SCN1A: variants seen among roughly 807,000 people sequenced by gnomAD.
The protein encoded by SCN1A is sodium channel protein type 1 subunit alpha.
Under a neutral mutation model 193.7 loss-of-function variants are expected in SCN1A, and 13 were observed. The ratio of observed to expected loss-of-function variants is 0.07; its 90% CI spans 0.04 to 0.11. SCN1A has a LOEUF of 0.11. SCN1A is among the 10% of genes least tolerant of loss of function. SCN1A has a pLI of 1.00. For missense variants in SCN1A, 1,432 were observed against 2,451.1 expected, an observed-to-expected ratio of 0.58 and a Z score of 8.78; for synonymous variants, 781 against 843.6, an observed-to-expected ratio of 0.93 and a Z score of 1.29.
chr2:166,031,428 T>C (rs978142632), intron 19 of SCN1A, among the ~76,000 whole-genome samples: 5 of 152,172 alleles, frequency 3.3e-5, no homozygotes, highest in Non-Finnish European at 7.4e-5. Flanking sequence ...GCTTCCTGTC[T>C]TTAGGTTTCT....
chr2:166,096,560 G>A (rs780983374), intron 2 of SCN1A, among the ~76,000 whole-genome samples: 12 of 152,220 alleles, frequency 7.9e-5, no homozygotes, highest in Non-Finnish European at 1.3e-4. Context: ...GATTACAGGC[G>A]TGAGCCACTG....
chr2:166,021,277 T>A (rs1018972708), intron 19 of SCN1A, among the ~76,000 whole-genome samples: 1 of 152,194 alleles, frequency 6.6e-6, no homozygotes, highest in Non-Finnish European at 1.5e-5. Context: ...TGAATTACTC[T>A]AGATAAACTA....
At position 165,990,061 on chromosome 2, in the gene SCN1A, TGA is replaced by T. The variant is rs1688928083; in HGVS notation, c.*1182_*1183del. The T allele has an allele frequency of 6.6e-6, 1 of 152,562 alleles. No individual in the cohort carries two copies. The highest frequency in any genetic ancestry group is 2.4e-5 in the African/African-American group (1 of 41,438). The allele number at this position is 152,562 out of a possible 1,614,324, so 9.5% of individuals were successfully genotyped here. ...TTCTCATAAATGAGATTCTGAGCAG[TGA>T]GAGAAACCAGATACAGCAGCATGGT... On this transcript the variant is annotated 3_prime_UTR_variant, in exon 29 of 29. Coordinates refer to ENST00000674923, the MANE Select transcript of SCN1A (RefSeq NM_001165963.4).
intron 19 of SCN1A, among the ~76,000 whole-genome samples, chr2:166,032,784 T>A: frequency 6.6e-6 from 1 of 152,132 alleles, no homozygotes; most frequent in East Asian, 1.9e-4. Flanking sequence ...GATGAGAGAT[T>A]ATTACTTTCT....
intron 2 of SCN1A, among the ~76,000 whole-genome samples, chr2:166,114,447 A>C (rs1219847880): frequency 1.3e-5 from 2 of 152,184 alleles, no homozygotes; most frequent in Non-Finnish European, 2.9e-5. Flanking sequence ...GAACAAGCCC[A>C]GTGCAAGAAA....
intron 26 of SCN1A, 115 bp from the exon 27 acceptor site, chr2:165,996,232 A>G: frequency 1.5e-6 from 1 of 655,598 alleles, no homozygotes; most frequent in South Asian, 1.7e-5. Context: ...ACTGATTAGT[A>G]TAATTATATC....
intron 5 of SCN1A, among the ~76,000 whole-genome samples, chr2:166,057,262 A>G (rs750386313): frequency 3.7e-4 from 57 of 152,050 alleles, no homozygotes; most frequent in Non-Finnish European, 1.0e-4. Flanking sequence ...AAATGAGTTA[A>G]TGTATTGGAA....
rs1399651741 is a variant in SCN1A, at chr2:166,050,627, ATATATATATATG to A, written c.964+1080_964+1091del. On this transcript the variant is annotated intron_variant, in intron 9 of 28. Coordinates refer to ENST00000674923, the MANE Select transcript of SCN1A (RefSeq NM_001165963.4). ...CATTAAAAAAAGTATATATATATAT[ATATATATATATG>A]TGTGTATATATTTTTTTTTTGTAGA... 8.5e-4 allele frequency among the ~76,000 whole-genome samples: 67 copies of A among 78,498 alleles called. 2 individuals are homozygous for A. Among genetic ancestry groups the A allele is most frequent in the Non-Finnish European group, 1.1e-3 (47 of 41,732 alleles). 51.5% of individuals were successfully genotyped at this position (78,498 alleles called of 152,430 possible).
chr2:166,062,115 C>T (rs572662639), intron 4 of SCN1A, among the ~76,000 whole-genome samples: 1 of 152,176 alleles, frequency 6.6e-6, no homozygotes, highest in Non-Finnish European at 1.5e-5. Flanking sequence ...ACCCAGGAAG[C>T]TAACAATAAG....
At chr2:166,132,115 T>G (rs1691683958), upstream of SCN1A, among the ~76,000 whole-genome samples, 1 of 152,138 alleles carries the variant, frequency 6.6e-6, no homozygotes, top group South Asian at 2.1e-4. Context: ...AAGGAGATGG[T>G]GGTGACAACA....
At chr2:166,041,915 G>A (rs953287880) in intron 15 of SCN1A, among the ~76,000 whole-genome samples, 4 of 152,166 alleles carry the variant, frequency 2.6e-5, no homozygotes, top group Non-Finnish European at 5.9e-5. Context: ...AAAATGACCT[G>A]CTCTTCCTCT....
intron 9 of SCN1A, among the ~76,000 whole-genome samples, chr2:166,049,952 A>G (rs1181661078): frequency 1.3e-5 from 2 of 152,046 alleles, no homozygotes; most frequent in African/African-American, 4.8e-5. Flanking sequence ...GGATTTTGTA[A>G]GAAGATATAT....
Position 166,041,399 on chromosome 2 carries a change from G to C in SCN1A, c.2247C>G (p.Asp749Glu), listed in dbSNP as rs1697155906. ...YKFSNIFLIW[D>E]CSPYWLKVKH... ...TCACTTTTAACCAATATGGAGAACA[G>C]TCCCAGATTAAGAATATGTTGGAAA... is the stretch of plus-strand genomic sequence containing the variant. Residue 749 changes from aspartate (D) to glutamate (E), a missense_variant, in exon 16 of 29, where the codon GAC becomes GAG. Transcript: ENST00000674923. The C allele has an allele frequency of 3.1e-6, 5 of 1,612,952 alleles. No individual in the cohort carries two copies. The highest frequency in any genetic ancestry group is 4.2e-6 in the Non-Finnish European group (5 of 1,179,734).
intron 10 of SCN1A, 103 bp downstream of exon 10, chr2:166,048,783 A>C (rs1378289890): frequency 1.3e-6 from 1 of 773,920 alleles, no homozygotes; most frequent in African/African-American, 1.7e-5. Flanking sequence ...TGTCAATAAA[A>C]TTAGTTGGCT....
chr2:165,986,615 G>A lies in SCN1A; in HGVS notation c.*4630C>T, dbSNP rs980346650. The A allele has an allele frequency of 2.7e-5, 4 of 149,686 alleles. No homozygotes were observed. Among genetic ancestry groups the A allele is most frequent in the Non-Finnish European group, 5.9e-5 (4 of 67,688 alleles). 9.3% of individuals were successfully genotyped at this position (149,686 alleles called of 1,614,324 possible). ...AATTACCAACAGTAGATCTAATTTT[G>A]AAGGTAGAAATTATAAAGTCCAGGG... On this transcript the variant is annotated 3_prime_UTR_variant, in exon 29 of 29. Transcript: ENST00000674923.
At chr2:166,006,418 T>C (rs1486019250) in intron 23 of SCN1A, among the ~76,000 whole-genome samples, 6 of 151,400 alleles carry the variant, frequency 4.0e-5, no homozygotes, top group African/African-American at 1.5e-4. Context: ...GTTATGTTTA[T>C]GTATGTTTTC....
At chr2:166,107,152 A>G (rs116289177) in intron 2 of SCN1A, among the ~76,000 whole-genome samples, 2,167 of 152,284 alleles carry the variant, frequency 0.014, 20 homozygotes, top group South Asian at 0.027. Flanking sequence ...CTCTTCATCC[A>G]CTAGCACTTT....
intron 2 of SCN1A, among the ~76,000 whole-genome samples, chr2:166,093,265 T>C (rs1687018259): frequency 1.3e-5 from 2 of 152,034 alleles, no homozygotes; most frequent in South Asian, 4.1e-4. Context: ...GATATGTTTC[T>C]GGACTTCTCA....
intron 6 of SCN1A, among the ~76,000 whole-genome samples, chr2:166,055,381 A>T (rs1321493823): frequency 6.6e-6 from 1 of 151,944 alleles, no homozygotes; most frequent in Non-Finnish European, 1.5e-5. Flanking sequence ...GAGTGGCATA[A>T]AATCACAAGA....
Sources: gnomAD v4.1 joint callset for allele counts (sites outside exome capture counted in the v4.1 genomes callset) on GRCh38, gnomAD v4.1.1 for gene constraint, MANE v1.5 for transcripts, NCBI Gene and HGNC (gene_info 2026-07-23, HGNC 2026-07-21) for gene names.